The following ITGA6 variants were observed in gnomAD, a reference collection of about 807,000 sequenced individuals.
The protein encoded by ITGA6 is integrin alpha-6.
In ITGA6, 63 loss-of-function variants were observed where a neutral mutation model predicts 133.6. The ratio of observed to expected loss-of-function variants is 0.47; its 90% confidence interval spans 0.38 to 0.58. The LOEUF is 0.58. ITGA6 is among the 20% of genes least tolerant of loss of function. ITGA6 has a pLI of 0.00. For missense variants in ITGA6, 1,068 were observed against 1,309.4 expected, an observed-to-expected ratio of 0.82 and a Z score of 2.85; for synonymous variants, 434 against 482.0, an observed-to-expected ratio of 0.90 and a Z score of 1.30.
chr2:172,452,770 G>A (rs59979740), intron 1 of ITGA6, among the ~76,000 whole-genome samples: 19 of 152,128 alleles, frequency 1.2e-4, no homozygotes, highest in African/African-American at 3.9e-4. Flanking sequence ...GTTTGTAACC[G>A]GGTAAGTTAC....
Position 172,505,091 on chromosome 2 carries a change from A to ATAAAC in ITGA6, c.*1026_*1030dup, listed in dbSNP as rs1687503154. 6.5e-6 allele frequency: 1 copy of ATAAAC among 152,778 alleles called. No homozygotes were observed. The highest frequency in any genetic ancestry group is 1.9e-4 in the East Asian group (1 of 5,188). The allele number at this position is 152,778 out of a possible 1,614,324, so 9.5% of individuals were successfully genotyped here. A position where few individuals can be genotyped will look rare whatever the true frequency, so the allele number is the denominator to read the frequency against. The stretch of plus-strand genomic sequence containing the variant: ...AGAGAGTTGTTTTAATAACTTATCT[A>ATAAAC]TAAACTATAACCTCTCCTTCATGAC... On this transcript the variant is annotated 3_prime_UTR_variant, in exon 26 of 26. Coordinates refer to ENST00000684293, the MANE Select transcript of ITGA6 (RefSeq NM_000210.4).
At chr2:172,432,535 T>C (rs1212696633) in intron 1 of ITGA6, among the ~76,000 whole-genome samples, 1 of 152,280 alleles carries the variant, frequency 6.6e-6, no homozygotes, top group Non-Finnish European at 1.5e-5. Context: ...GAGAAATCCC[T>C]TTCTTTAACC....
intron 13 of ITGA6, among the ~76,000 whole-genome samples, chr2:172,486,106 G>C (rs1355430265): frequency 6.7e-6 from 1 of 148,764 alleles, no homozygotes; most frequent in Non-Finnish European, 1.5e-5. Flanking sequence ...AACCCGGCAG[G>C]TGGAGTTGCA....
At chr2:172,494,130 A>G (rs1410688259) in intron 23 of ITGA6, among the ~76,000 whole-genome samples, 1 of 152,168 alleles carries the variant, frequency 6.6e-6, no homozygotes, top group Non-Finnish European at 1.5e-5. Context: ...GAGTAGTTTG[A>G]GCTGTAGTTT....
intron 3 of ITGA6, among the ~76,000 whole-genome samples, chr2:172,468,610 C>T (rs543853109): frequency 6.6e-6 from 1 of 152,230 alleles, no homozygotes; most frequent in African/African-American, 2.4e-5. Context: ...TCTCAGAGCT[C>T]AGGGTGTAAG....
chr2:172,486,980 T>G (rs1175958851), intron 13 of ITGA6, 43 bp from the exon 14 acceptor site: 2 of 1,074,126 alleles, frequency 1.9e-6, no homozygotes, highest in Non-Finnish European at 2.9e-6. Flanking sequence ...CCTTCCTGAG[T>G]CCTGAATGGT....
Position 172,497,941 on chromosome 2 carries a change from A to G in ITGA6, c.2989-34A>G, listed in dbSNP as rs1178740164. ...TCCTGGTGTGAACTCTTGCCGCTGT[A>G]TGTAGTAATGCTGCTTTCTTTTCTG... is the stretch of plus-strand genomic sequence containing the variant. On this transcript the variant is annotated intron_variant, in intron 23 of 25. Coordinates refer to ENST00000684293, the MANE Select transcript of ITGA6 (RefSeq NM_000210.4). The G allele has an allele frequency of 2.5e-6, 4 of 1,612,796 alleles. No individual in the cohort carries two copies. In the South Asian group the frequency reaches 4.4e-5, roughly 18 times the overall value.
chr2:172,465,515 A>G, intron 1 of ITGA6, 24 bp from the exon 2 acceptor site: 1 of 1,613,920 alleles, frequency 6.2e-7, no homozygotes, highest in Non-Finnish European at 8.5e-7. Context: ...TCAAATCTCC[A>G]AATTGTCTCT....
chr2:172,466,743 A>AT (rs749020674), intron 2 of ITGA6, among the ~76,000 whole-genome samples: 6 of 152,166 alleles, frequency 3.9e-5, no homozygotes, highest in Admixed American at 6.5e-5. Context: ...ATCTAGACTT[A>AT]TTTTTTAACA....
chr2:172,482,184 T>C (rs1686474836), intron 11 of ITGA6, among the ~76,000 whole-genome samples: 1 of 152,242 alleles, frequency 6.6e-6, no homozygotes, highest in Admixed American at 6.5e-5. Flanking sequence ...ATTACTTTTA[T>C]GTTATGTAGC....
chr2:172,439,811 C>T lies in ITGA6; in HGVS notation c.182+11841C>T, dbSNP rs527451500. ...ATGTGGGCCCTGAAACCTAGCTGCCCAGTGCCCAGTCCACCTGATGGTATG... is the reference window on the plus strand; with the variant it reads ...ATGTGGGCCCTGAAACCTAGCTGCCTAGTGCCCAGTCCACCTGATGGTATG... On this transcript the variant is annotated intron_variant, in intron 1 of 25. Coordinates refer to ENST00000684293, the MANE Select transcript of ITGA6 (RefSeq NM_000210.4). Among the ~76,000 whole-genome samples, 8 of 152,292 alleles carry T rather than the reference C, an allele frequency of 5.3e-5. No individual in the cohort carries two copies. The East Asian group carries it at 1.5e-3, about 29-fold the overall frequency.
Position 172,504,261 on chromosome 2 carries a change from T to TAA in ITGA6, c.*203_*204dup, listed in dbSNP as rs763078142. 2.9e-5 allele frequency: 35 copies of TAA among 1,213,904 alleles called. No individual in the cohort carries two copies. Among genetic ancestry groups the TAA allele is most frequent in the African/African-American group, 1.6e-4 (10 of 62,094 alleles). 75.2% of individuals were successfully genotyped at this position (1,213,904 alleles called of 1,614,324 possible). A position where few individuals can be genotyped will look rare whatever the true frequency, so the allele number is the denominator to read the frequency against. On this transcript the variant is annotated 3_prime_UTR_variant, in exon 26 of 26. Transcript: ENST00000684293. Reference sequence around the variant, plus strand: ...ATGAAAGCTACTCATAGCGGGGGCCTAAAAAAAAAAAGCTTCACAGTACCC... The same window carrying TAA: ...ATGAAAGCTACTCATAGCGGGGGCCTAAAAAAAAAAAAAGCTTCACAGTACCC...
chr2:172,435,732 A>G (rs1373756345), intron 1 of ITGA6, among the ~76,000 whole-genome samples: 2 of 148,370 alleles, frequency 1.3e-5, no homozygotes, highest in Non-Finnish European at 3.0e-5. Context: ...GGCTTAGGCA[A>G]TCCTCCCACC....
intron 9 of ITGA6, among the ~76,000 whole-genome samples, chr2:172,477,647 C>A (rs1299707323): frequency 1.3e-5 from 2 of 152,172 alleles, no homozygotes; most frequent in Non-Finnish European, 2.9e-5. Context: ...ACTTTCCTGT[C>A]CTCATAAGTA....
At chr2:172,458,251 T>G (rs145238580) in intron 1 of ITGA6, among the ~76,000 whole-genome samples, 6 of 151,860 alleles carry the variant, frequency 4.0e-5, no homozygotes, top group Non-Finnish European at 7.4e-5. Context: ...GAATTCTTTT[T>G]TTTTTTTTTG....
Position 172,504,088 on chromosome 2 carries a change from T to C in ITGA6, c.*23-3T>C, listed in dbSNP as rs1369587159. ...TTTCTCTTTCTCTTTCCCTCTTCTCTAGTGTGGATTCTTTAAACGCTCTAG... is the reference window on the plus strand; with the variant it reads ...TTTCTCTTTCTCTTTCCCTCTTCTCCAGTGTGGATTCTTTAAACGCTCTAG... On this transcript the variant is annotated splice_polypyrimidine_tract_variant and splice_region_variant and intron_variant, in intron 25 of 25. Transcript: ENST00000684293. The C allele has an allele frequency of 6.4e-7, 1 of 1,572,968 alleles. No homozygotes were observed. The highest frequency in any genetic ancestry group is 8.6e-7 in the Non-Finnish European group (1 of 1,160,764).
rs147900066 is a variant in ITGA6 at position 172,497,969 on chromosome 2, C to T, written c.2989-6C>T. ...TAGTAATGCTGCTTTCTTTTCTGCCCTGTAGGTTCGAGTGACTGTGTTTCC... is the reference window on the plus strand; with the variant it reads ...TAGTAATGCTGCTTTCTTTTCTGCCTTGTAGGTTCGAGTGACTGTGTTTCC... On this transcript the variant is annotated splice_polypyrimidine_tract_variant and splice_region_variant and intron_variant, in intron 23 of 25. Transcript: ENST00000684293. 4.6e-3 allele frequency: 7,473 copies of T among 1,613,798 alleles called. 190 individuals carry two copies. The South Asian group carries it at 0.051, about 11-fold the overall frequency.
intron 1 of ITGA6, among the ~76,000 whole-genome samples, chr2:172,432,789 T>G (rs1684156478): frequency 6.6e-6 from 1 of 152,132 alleles, no homozygotes; most frequent in South Asian, 2.1e-4. Context: ...ACTCGGGACT[T>G]GCTGAGGTGG....
chr2:172,472,565 C>A (rs1685987863), intron 5 of ITGA6, among the ~76,000 whole-genome samples: 1 of 152,140 alleles, frequency 6.6e-6, no homozygotes, highest in African/African-American at 2.4e-5. Flanking sequence ...TTCGGTTTGT[C>A]TGTACTGTGT....
Sources: allele counts gnomAD v4.1 joint callset (sites outside exome capture counted in the v4.1 genomes callset), GRCh38; gene constraint gnomAD v4.1.1; transcripts MANE v1.5; gene names NCBI Gene and HGNC (gene_info 2026-07-23, HGNC 2026-07-21).